Variants in NTRK3 observed in about 807,000 individuals in gnomAD.
The protein encoded by NTRK3 is NT-3 growth factor receptor.
NTRK3 carries 24 observed loss-of-function variants against 91.7 expected under a neutral mutation model. The observed-to-expected ratio is 0.26, with a 90% CI of 0.19 to 0.37. The LOEUF is 0.37. Ranked by LOEUF, NTRK3 falls within the 10% of genes least tolerant of loss-of-function variation. The pLI, the probability that NTRK3 is intolerant of heterozygous loss-of-function variation, is 1.00. For missense variants in NTRK3, 880 were observed against 1,068.9 expected (o/e 0.82, Z 2.46); for synonymous variants, 483 against 404.0 (o/e 1.20, Z -2.34).
At chr15:87,918,494 G>A (rs939088420) in intron 17 of NTRK3, among the ~76,000 whole-genome samples, 2 of 152,196 alleles carry the variant, frequency 1.3e-5, no homozygotes, top group Non-Finnish European at 2.9e-5. Flanking sequence ...CTTTGCTCAT[G>A]CTAACCTCTC....
rs912668269 is a variant in NTRK3, at chr15:87,906,068, C to G, written c.2133+23123G>C. Among the ~76,000 whole-genome samples the G allele has an allele frequency of 2.6e-5, 4 of 152,228 alleles. 1 individual carries two copies. Among genetic ancestry groups the G allele is most frequent in the African/African-American group, 9.6e-5 (4 of 41,460 alleles). On this transcript the variant is annotated intron_variant, in intron 17 of 18. Coordinates refer to ENST00000394480, the Ensembl canonical transcript of NTRK3. ...GTGAGTCCTTTTCTTACTTCCACTT[C>G]CTGCCAACTGGTATCTGTGGAAAGA...
At position 88,174,847 on chromosome 15, in the gene NTRK3, G is replaced by A. The variant is rs560883803; in HGVS notation, c.395+8571C>T. On this transcript the variant is annotated intron_variant, in intron 5 of 18. Transcript: ENST00000394480. ...AGCGGCACCTCCACTGCCTTGTGCT[G>A]GAAGTCCCTGGAGAATGTCAGCCGT... 2.6e-5 allele frequency among the ~76,000 whole-genome samples: 4 copies of A among 152,332 alleles called. No homozygotes were observed. The South Asian group carries it at 8.3e-4, about 32-fold the overall frequency.
At chr15:87,883,080 A>G (rs2065339827) in intron 17 of NTRK3, among the ~76,000 whole-genome samples, 1 of 150,490 alleles carries the variant, frequency 6.6e-6, no homozygotes, top group Non-Finnish European at 1.5e-5. Context: ...GAAAAATATA[A>G]TTGGCTACAT....
intron 13 of NTRK3, among the ~76,000 whole-genome samples, chr15:88,076,251 G>A (rs1446211860): frequency 6.6e-6 from 1 of 152,116 alleles, no homozygotes; most frequent in African/African-American, 2.4e-5. Context: ...AAAACCATCA[G>A]ATCTCATGAG....
At chr15:87,891,958 G>C (rs947109476) in intron 17 of NTRK3, among the ~76,000 whole-genome samples, 1 of 152,100 alleles carries the variant, frequency 6.6e-6, no homozygotes, top group African/African-American at 2.4e-5. Context: ...TCTATCCAGC[G>C]TGTACTCAGG....
intron 14 of NTRK3, among the ~76,000 whole-genome samples, chr15:87,987,052 T>C (rs1420324203): frequency 1.3e-5 from 2 of 152,242 alleles, no homozygotes; most frequent in Non-Finnish European, 2.9e-5. Context: ...ACAAGCAGCA[T>C]CAGCATCAGC....
chr15:87,995,075 T>C (rs1858515441), intron 14 of NTRK3, among the ~76,000 whole-genome samples: 1 of 152,238 alleles, frequency 6.6e-6, no homozygotes. Context: ...TTGAATTCTG[T>C]TTCCCACTTT....
At chr15:87,861,209 T>C in exon 19 of NTRK3, 1 of 219,704 alleles carries the variant, frequency 4.6e-6, no homozygotes, top group Non-Finnish European at 9.1e-6. Flanking sequence ...TAGCTTTACA[T>C]ATACTTAGTA....
intron 10 of NTRK3, 147 bp downstream of exon 10, chr15:88,134,954 G>A (rs1354825425): frequency 1.0e-5 from 10 of 955,638 alleles, no homozygotes; most frequent in Non-Finnish European, 1.5e-5. Context: ...GATGCGGCTG[G>A]TGGTTGCACA....
intron 13 of NTRK3, among the ~76,000 whole-genome samples, chr15:88,061,757 T>TAA (rs2046239495): frequency 6.6e-6 from 1 of 152,140 alleles, no homozygotes; most frequent in African/African-American, 2.4e-5. Context: ...AACCCTTTCT[T>TAA]AGAGTCCCCT....
At chr15:88,094,764 G>GA (rs2049409902) in intron 13 of NTRK3, among the ~76,000 whole-genome samples, 1 of 152,192 alleles carries the variant, frequency 6.6e-6, no homozygotes, top group African/African-American at 2.4e-5. Flanking sequence ...CTGCAGACGT[G>GA]AATGTCCCTC....
intron 15 of NTRK3, among the ~76,000 whole-genome samples, chr15:87,936,960 G>A (rs150362427): frequency 3.6e-4 from 55 of 152,178 alleles, no homozygotes; most frequent in African/African-American, 1.2e-3. Flanking sequence ...CTCTCTTTGC[G>A]TCCTGTCCTC....
At chr15:88,110,177 G>A (rs1382010985) in intron 13 of NTRK3, among the ~76,000 whole-genome samples, 1 of 152,030 alleles carries the variant, frequency 6.6e-6, no homozygotes, top group East Asian at 1.9e-4. Context: ...GTCATGGCAT[G>A]GAAAAGAAGC....
chr15:88,033,103 C>A (rs2142026338), intron 13 of NTRK3, 58 bp from the exon 14 acceptor site: 2 of 1,518,384 alleles, frequency 1.3e-6, no homozygotes, highest in South Asian at 2.4e-5. Flanking sequence ...CAGTTTCCAG[C>A]CCTGTCCACA....
intron 6 of NTRK3, among the ~76,000 whole-genome samples, chr15:88,138,121 C>G (rs145750462): frequency 1.3e-5 from 2 of 151,776 alleles, no homozygotes; most frequent in Admixed American, 6.6e-5. Flanking sequence ...GAGATATCAG[C>G]GGCCGGGCGT....
intron 3 of NTRK3, among the ~76,000 whole-genome samples, chr15:88,229,362 C>T (rs920682457): frequency 6.6e-6 from 1 of 152,190 alleles, no homozygotes; most frequent in Non-Finnish European, 1.5e-5. Flanking sequence ...CTGATCTTTA[C>T]ACTCAGGATC....
exon 19 of NTRK3, chr15:87,862,538 T>C (rs940736957): frequency 1.3e-5 from 3 of 226,810 alleles, no homozygotes; most frequent in Non-Finnish European, 1.8e-5. Flanking sequence ...AGTGACTGAC[T>C]TGCCTTCCCA....
At chr15:87,972,909 A>G (rs902457117) in intron 14 of NTRK3, among the ~76,000 whole-genome samples, 2 of 152,208 alleles carry the variant, frequency 1.3e-5, no homozygotes, top group Non-Finnish European at 2.9e-5. Context: ...CTGAGCCATC[A>G]GTACCTTCTA....
intron 17 of NTRK3, among the ~76,000 whole-genome samples, chr15:87,890,086 A>G (rs1195329325): frequency 6.6e-6 from 1 of 151,796 alleles, no homozygotes; most frequent in Non-Finnish European, 1.5e-5. Flanking sequence ...TACCTGCCGC[A>G]TTTCCTATAA....
Sources: allele counts gnomAD v4.1 joint callset (sites outside exome capture counted in the v4.1 genomes callset), GRCh38; gene constraint gnomAD v4.1.1; transcripts MANE v1.5; gene names NCBI Gene and HGNC (gene_info 2026-07-23, HGNC 2026-07-21).